Variants in WDR37 observed in about 807,000 individuals in gnomAD.
WDR37 encodes the protein WD repeat domain 37.
In WDR37, 19 loss-of-function variants were observed where a neutral mutation model predicts 62.9. That is an observed-to-expected ratio of 0.30 (90% CI 0.21 to 0.44). WDR37 has a LOEUF of 0.44. Among genes scored for constraint, WDR37 ranks in the 20% least tolerant of loss-of-function variants. The probability of loss-of-function intolerance (pLI) is 1.00; values close to 1 mark genes in which losing one functional copy is unlikely to be tolerated. For synonymous variants in WDR37, 250 were observed against 260.9 expected, an observed-to-expected ratio of 0.96 and a Z score of 0.40; for missense variants, 474 against 657.6, an observed-to-expected ratio of 0.72 and a Z score of 3.05.
intron 8 of WDR37, among the ~76,000 whole-genome samples, chr10:1,094,174 T>C (rs1393868415): frequency 6.6e-6 from 1 of 152,216 alleles, no homozygotes; most frequent in Non-Finnish European, 1.5e-5. Flanking sequence ...GTGAATATTT[T>C]CATCTTTGCG....
At chr10:1,126,400 T>TCC (rs1835776167) in intron 13 of WDR37, among the ~76,000 whole-genome samples, 2 of 134,760 alleles carry the variant, frequency 1.5e-5, no homozygotes, top group South Asian at 4.8e-4. Flanking sequence ...AGCGAGACTG[T>TCC]GTCTCAGAAA....
At chr10:1,064,301 G>T (rs146897210) in intron 1 of WDR37, among the ~76,000 whole-genome samples, 1 of 152,270 alleles carries the variant, frequency 6.6e-6, no homozygotes, top group African/African-American at 2.4e-5. Context: ...AGCCTCAGGG[G>T]CCCGTGGGAC....
At chr10:1,102,840 C>T (rs1834872487) in intron 9 of WDR37, among the ~76,000 whole-genome samples, 1 of 152,088 alleles carries the variant, frequency 6.6e-6, no homozygotes. Context: ...TGTGTGTGGT[C>T]TCTCTCTTTT....
At position 1,096,152 on chromosome 10, in the gene WDR37, C is replaced by A; in HGVS notation, c.650-18C>A. The A allele has an allele frequency of 6.2e-7, 1 of 1,613,808 alleles. No individual in the cohort carries two copies. Among genetic ancestry groups the A allele is most frequent in the African/African-American group, 1.3e-5 (1 of 75,014 alleles). ...ATGGTCTGTGCCTTGGGTAATTTTC[C>A]CCGATTTCTCTCTTCAGCTTCTGGA... is the stretch of plus-strand genomic sequence containing the variant. On this transcript the variant is annotated intron_variant, in intron 8 of 13. Transcript: ENST00000263150.
chr10:1,114,803 C>A (rs1835336352), intron 11 of WDR37, among the ~76,000 whole-genome samples: 1 of 152,350 alleles, frequency 6.6e-6, no homozygotes, highest in South Asian at 2.1e-4. Context: ...AAGTCTGGCC[C>A]TCTCCTGGCT....
chr10:1,108,752 G>A (rs78621758), intron 11 of WDR37, among the ~76,000 whole-genome samples: 1 of 78,222 alleles, frequency 1.3e-5, no homozygotes, highest in South Asian at 4.1e-4. Flanking sequence ...CCCCCCCCCC[G>A]TGGAACCTGC....
intron 1 of WDR37, among the ~76,000 whole-genome samples, chr10:1,068,182 TAAGA>T (rs1332735417): frequency 6.6e-6 from 1 of 151,954 alleles, no homozygotes; most frequent in African/African-American, 2.4e-5. Flanking sequence ...TGACTATCCT[TAAGA>T]AAGCAGTATC....
chr10:1,092,305 G>A (rs961484613), intron 7 of WDR37, among the ~76,000 whole-genome samples: 1 of 151,972 alleles, frequency 6.6e-6, no homozygotes. Context: ...CAGCCTGGAC[G>A]ACATGGCAAG....
chr10:1,080,393 T>C lies in WDR37; in HGVS notation c.332-19T>C. The C allele has an allele frequency of 6.2e-7, 1 of 1,614,098 alleles. No homozygotes were observed. Among genetic ancestry groups the C allele is most frequent in the Non-Finnish European group, 8.5e-7 (1 of 1,179,988 alleles). On this transcript the variant is annotated intron_variant, in intron 4 of 13. Coordinates refer to ENST00000263150, the MANE Select transcript of WDR37 (RefSeq NM_014023.4). Reference sequence around the variant, plus strand: ...TTGATTGTGTGATTGTGTTTGATTGTCACTCTCTGTCCCTGCAGCCAGTCA... The same window carrying C: ...TTGATTGTGTGATTGTGTTTGATTGCCACTCTCTGTCCCTGCAGCCAGTCA...
chr10:1,115,677 G>A (rs1412277811), intron 11 of WDR37, among the ~76,000 whole-genome samples: 1 of 152,166 alleles, frequency 6.6e-6, no homozygotes, highest in African/African-American at 2.4e-5. Flanking sequence ...CCAGCTGGCC[G>A]CCTGGGAGGT....
intron 7 of WDR37, among the ~76,000 whole-genome samples, chr10:1,088,823 C>G (rs1834289417): frequency 6.6e-6 from 1 of 152,082 alleles, no homozygotes; most frequent in South Asian, 2.1e-4. Flanking sequence ...TGCCACAAAC[C>G]CTCAATTTGT....
chr10:1,079,458 A>AC (rs1267862155), intron 3 of WDR37, among the ~76,000 whole-genome samples: 1 of 148,912 alleles, frequency 6.7e-6, no homozygotes, highest in Non-Finnish European at 1.5e-5. Context: ...TGTCTTTGAG[A>AC]CCCTGATAGC....
At chr10:1,089,577 C>T (rs928782966) in intron 7 of WDR37, among the ~76,000 whole-genome samples, 4 of 152,120 alleles carry the variant, frequency 2.6e-5, no homozygotes, top group Non-Finnish European at 4.4e-5. Context: ...CCGTTCTTCA[C>T]GCAGGTTAAT....
At chr10:1,096,657 G>A (rs570228606) in intron 9 of WDR37, 40 of 189,524 alleles carry the variant, frequency 2.1e-4, no homozygotes, top group African/African-American at 7.9e-4. Context: ...CTTTTGTTGC[G>A]GCAGCCAGAG....
At chr10:1,062,920 C>T (rs1833417560) in intron 1 of WDR37, among the ~76,000 whole-genome samples, 2 of 151,964 alleles carry the variant, frequency 1.3e-5, no homozygotes, top group Admixed American at 6.6e-5. Flanking sequence ...ACCTTGTCTC[C>T]GCTAAAAATA....
chr10:1,079,054 T>C (rs1221529868), intron 3 of WDR37, among the ~76,000 whole-genome samples: 1 of 151,916 alleles, frequency 6.6e-6, no homozygotes, highest in Non-Finnish European at 1.5e-5. Context: ...AGTCCACCTT[T>C]ACAATTCATA....
In WDR37 at chr10:1,102,232, G is replaced by A. The variant is rs186652680; in HGVS notation, c.727-1370G>A. Among the ~76,000 whole-genome samples, 208 of 138,046 alleles carry A rather than the reference G, an allele frequency of 1.5e-3. 2 individuals are homozygous for A. Among genetic ancestry groups the A allele is most frequent in the African/African-American group, 5.6e-3 (202 of 35,966 alleles). The allele number at this position is 138,046 out of a possible 152,430, so 90.6% of individuals were successfully genotyped here. ...CCGTGCTGCTGTGCGTCCCTGCGAC[G>A]TGCGATCCCGTGCCGCTGTGCGTCC... On this transcript the variant is annotated intron_variant, in intron 9 of 13. Transcript: ENST00000263150.
intron 1 of WDR37, among the ~76,000 whole-genome samples, chr10:1,070,313 A>AT (rs1435453315): frequency 6.6e-6 from 1 of 152,180 alleles, no homozygotes; most frequent in Non-Finnish European, 1.5e-5. Flanking sequence ...AACTGTCCTA[A>AT]ATAATAGGCA....
chr10:1,089,592 C>A (rs1281125876), intron 7 of WDR37, among the ~76,000 whole-genome samples: 2 of 152,070 alleles, frequency 1.3e-5, no homozygotes, highest in African/African-American at 2.4e-5. Context: ...GTTAATTCAG[C>A]CTTCCCGTGC....
Sources: gnomAD v4.1 joint callset for allele counts (sites outside exome capture counted in the v4.1 genomes callset) on GRCh38, gnomAD v4.1.1 for gene constraint, MANE v1.5 for transcripts, NCBI Gene and HGNC (gene_info 2026-07-23, HGNC 2026-07-21) for gene names.